DYRK1A: variants seen among roughly 807,000 people sequenced by gnomAD.
DYRK1A encodes dual specificity tyrosine-phosphorylation-regulated kinase 1A.
Under a neutral mutation model 79.7 loss-of-function variants are expected in DYRK1A, and 9 were observed. The observed-to-expected ratio is 0.11, with a 90% confidence interval of 0.07 to 0.20. The LOEUF (loss-of-function observed/expected upper bound fraction) is 0.20, where lower values mean the gene tolerates loss of function less well. Among genes scored for constraint, DYRK1A ranks in the 10% least tolerant of loss-of-function variants. DYRK1A has a pLI of 1.00. For missense variants in DYRK1A, 622 were observed against 956.0 expected (o/e 0.65, Z 4.61); for synonymous variants, 349 against 329.7 (o/e 1.06, Z -0.63).
At chr21:37,496,745 G>A (rs1478850990) in intron 9 of DYRK1A, among the ~76,000 whole-genome samples, 1 of 152,034 alleles carries the variant, frequency 6.6e-6, no homozygotes, top group Non-Finnish European at 1.5e-5. Flanking sequence ...TGACTAGATG[G>A]TCCTTTGATA....
intron 2 of DYRK1A, among the ~76,000 whole-genome samples, chr21:37,461,333 C>T (rs2051831225): frequency 6.6e-6 from 1 of 152,180 alleles, no homozygotes. Context: ...ACATTTATTT[C>T]TCCTGTCCTT....
At chr21:37,427,069 A>G (rs1045836610) in intron 2 of DYRK1A, among the ~76,000 whole-genome samples, 3 of 152,250 alleles carry the variant, frequency 2.0e-5, no homozygotes, top group African/African-American at 7.2e-5. Flanking sequence ...AATGAAACTT[A>G]ACAGATACTA....
intron 2 of DYRK1A, among the ~76,000 whole-genome samples, chr21:37,442,883 G>A (rs573138771): frequency 6.6e-6 from 1 of 152,288 alleles, no homozygotes; most frequent in South Asian, 2.1e-4. Context: ...CACCCAGCCT[G>A]GAGTGCAGTG....
At chr21:37,412,024 G>A (rs1034434672) in intron 1 of DYRK1A, among the ~76,000 whole-genome samples, 1 of 152,154 alleles carries the variant, frequency 6.6e-6, no homozygotes, top group Non-Finnish European at 1.5e-5. Flanking sequence ...TCACCAAGTA[G>A]TAGATAATAC....
At chr21:37,427,821 A>T (rs1474886832) in intron 2 of DYRK1A, among the ~76,000 whole-genome samples, 1 of 151,876 alleles carries the variant, frequency 6.6e-6, no homozygotes, top group Non-Finnish European at 1.5e-5. Flanking sequence ...ATAACTCAAT[A>T]TTTACATTTA....
chr21:37,457,517 A>G (rs967899230), intron 2 of DYRK1A, among the ~76,000 whole-genome samples: 4 of 152,186 alleles, frequency 2.6e-5, no homozygotes, highest in Admixed American at 6.5e-5. Flanking sequence ...GATTACAGGC[A>G]TGTGCCACCG....
intron 1 of DYRK1A, among the ~76,000 whole-genome samples, chr21:37,386,249 A>G (rs758685136): frequency 9.2e-5 from 14 of 152,200 alleles, no homozygotes; most frequent in Non-Finnish European, 1.8e-4. Flanking sequence ...TAATAGAAAT[A>G]AAGTGCACAA....
chr21:37,502,119 A>G (rs1006622851), intron 9 of DYRK1A: 1 of 152,024 alleles, frequency 6.6e-6, no homozygotes, highest in African/African-American at 2.4e-5. Context: ...AAAATATGCA[A>G]CATGTGTAGA....
At chr21:37,373,506 A>G (rs971613885) in intron 1 of DYRK1A, among the ~76,000 whole-genome samples, 1 of 152,196 alleles carries the variant, frequency 6.6e-6, no homozygotes, top group African/African-American at 2.4e-5. Flanking sequence ...TTTCCTTCAT[A>G]AAACAACAGT....
chr21:37,431,341 G>A (rs141086241), intron 2 of DYRK1A, among the ~76,000 whole-genome samples: 214 of 152,262 alleles, frequency 1.4e-3, no homozygotes, highest in African/African-American at 5.0e-3. Context: ...AATGAATTCT[G>A]GTAGTATGTT....
rs1006198339 is a variant in DYRK1A, at chr21:37,522,876, T to A, written c.*10345T>A. Reference sequence around the variant, plus strand: ...CAGGATCCACAGTTCCTGCTCTGCTTCCGCTTTCCCCACTGCTGGTTCAGG... The same window carrying A: ...CAGGATCCACAGTTCCTGCTCTGCTACCGCTTTCCCCACTGCTGGTTCAGG... On this transcript the variant is annotated 3_prime_UTR_variant, in exon 12 of 12. Coordinates refer to ENST00000647188, the MANE Select transcript of DYRK1A (RefSeq NM_001347721.2). 1.3e-5 allele frequency: 2 copies of A among 152,424 alleles called. No homozygotes were observed. The highest frequency in any genetic ancestry group is 1.3e-4 in the Admixed American group (2 of 15,292). 9.4% of individuals were successfully genotyped at this position (152,424 alleles called of 1,614,324 possible).
At position 37,460,847 on chromosome 21, in the gene DYRK1A, A is replaced by T. The variant is rs2051815726; in HGVS notation, c.11-11837A>T. Among the ~76,000 whole-genome samples the T allele has an allele frequency of 3.3e-5, 5 of 152,308 alleles. No homozygotes were observed. In the South Asian group the frequency reaches 1.0e-3, roughly 32 times the overall value. On this transcript the variant is annotated intron_variant, in intron 2 of 11. Coordinates refer to ENST00000647188, the MANE Select transcript of DYRK1A (RefSeq NM_001347721.2). ...TCATTCTTATTATTTAAAATATTTT[A>T]TAACTTTAGGATATTAAAGAAAATA...
intron 7 of DYRK1A, among the ~76,000 whole-genome samples, chr21:37,491,489 C>T (rs999050982): frequency 2.0e-5 from 3 of 151,970 alleles, no homozygotes; most frequent in Non-Finnish European, 4.4e-5. Flanking sequence ...ATTTTCTGTC[C>T]CGTCCTACTT....
chr21:37,384,587 A>G (rs1009072334), intron 1 of DYRK1A, among the ~76,000 whole-genome samples: 3 of 152,230 alleles, frequency 2.0e-5, no homozygotes, highest in African/African-American at 7.2e-5. Context: ...GGAATATAAC[A>G]GATCCCAATA....
chr21:37,413,171 C>T (rs1036780917), intron 1 of DYRK1A, among the ~76,000 whole-genome samples: 1 of 152,158 alleles, frequency 6.6e-6, no homozygotes, highest in Non-Finnish European at 1.5e-5. Flanking sequence ...AAACTGAACT[C>T]ACTTTACTGC....
At chr21:37,419,337 A>G (rs1433889140) in intron 1 of DYRK1A, 1 of 152,198 alleles carries the variant, frequency 6.6e-6, no homozygotes, top group Non-Finnish European at 1.5e-5. Context: ...AATTGGAGGC[A>G]TTGGGAATTG....
In DYRK1A at chr21:37,490,798, A is replaced by G. The variant is rs16995210; in HGVS notation, c.924+337A>G. ...AGACATTGATTTTTTTGAAATGGGT[A>G]TATTTAAAATTGTATGTATGCTAAA... On this transcript the variant is annotated intron_variant, in intron 7 of 11. Coordinates refer to ENST00000647188, the MANE Select transcript of DYRK1A (RefSeq NM_001347721.2). 7.1e-3 allele frequency among the ~76,000 whole-genome samples: 1,075 copies of G among 152,006 alleles called. 13 individuals carry two copies. Among genetic ancestry groups the G allele is most frequent in the African/African-American group, 0.025 (1,030 of 41,514 alleles).
intron 2 of DYRK1A, among the ~76,000 whole-genome samples, chr21:37,458,377 A>G (rs2051729214): frequency 6.6e-6 from 1 of 151,952 alleles, no homozygotes; most frequent in South Asian, 2.1e-4. Context: ...TGATTTTGAA[A>G]AAAATGAACT....
chr21:37,508,621 C>G (rs543213689), intron 11 of DYRK1A, among the ~76,000 whole-genome samples: 17 of 145,842 alleles, frequency 1.2e-4, no homozygotes, highest in African/African-American at 4.0e-4. Context: ...TTGACTTGCC[C>G]TTCTACCTGA....
Sources: allele counts gnomAD v4.1 joint callset (sites outside exome capture counted in the v4.1 genomes callset), GRCh38; gene constraint gnomAD v4.1.1; transcripts MANE v1.5; gene names NCBI Gene and HGNC (gene_info 2026-07-23, HGNC 2026-07-21).